PARD3B: variants seen among roughly 807,000 people sequenced by gnomAD.
PARD3B encodes the protein partitioning defective 3 homolog B.
A neutral mutation model predicts 130.2 loss-of-function variants in PARD3B; 103 were observed. That is an observed-to-expected ratio of 0.79 (90% CI 0.67 to 0.93). The LOEUF is 0.93. Among genes scored for constraint, PARD3B ranks in the 40% least tolerant of loss-of-function variants. The pLI is 0.00. For synonymous variants in PARD3B, 583 were observed against 553.2 expected (o/e 1.05, Z -0.76); for missense variants, 1,609 against 1,499.2 (o/e 1.07, Z -1.21).
chr2:205,346,553 A>G (rs1166498564), intron 18 of PARD3B, among the ~76,000 whole-genome samples: 3 of 152,206 alleles, frequency 2.0e-5, no homozygotes, highest in East Asian at 1.9e-4. Context: ...CCAGGCTTCT[A>G]TGGGATTTAA....
intron 1 of PARD3B, among the ~76,000 whole-genome samples, chr2:204,681,675 C>T (rs537642455): frequency 6.6e-6 from 1 of 152,136 alleles, no homozygotes; most frequent in Admixed American, 6.5e-5. Context: ...CCCTGCACTG[C>T]TCTGTGGCTG....
At chr2:204,900,978 CT>C (rs1313644835) in intron 2 of PARD3B, among the ~76,000 whole-genome samples, 1 of 151,738 alleles carries the variant, frequency 6.6e-6, no homozygotes, top group African/African-American at 2.4e-5. Context: ...CAATTGGAGT[CT>C]TTCTGTCTCT....
intron 10 of PARD3B, among the ~76,000 whole-genome samples, chr2:205,127,907 A>G (rs557288817): frequency 6.6e-6 from 1 of 152,184 alleles, no homozygotes; most frequent in Admixed American, 6.5e-5. Context: ...TAAAATACAG[A>G]TGGATTCTTC....
chr2:205,399,070 A>C (rs1574920178), intron 18 of PARD3B, among the ~76,000 whole-genome samples: 1 of 152,056 alleles, frequency 6.6e-6, no homozygotes, highest in Non-Finnish European at 1.5e-5. Flanking sequence ...GGAGTTCAAG[A>C]CCAGCCTGGC....
intron 2 of PARD3B, among the ~76,000 whole-genome samples, chr2:204,737,652 G>A (rs141407965): frequency 1.6e-4 from 25 of 152,216 alleles, no homozygotes; most frequent in South Asian, 8.3e-4. Context: ...CTTTGCCTAG[G>A]CCAGTGTCTA....
chr2:205,301,458 G>C lies in PARD3B; in HGVS notation c.2393-6G>C. 1 of 1,607,456 alleles carries C rather than the reference G, an allele frequency of 6.2e-7. No homozygotes were observed. The highest frequency in any genetic ancestry group is 8.5e-7 in the Non-Finnish European group (1 of 1,177,956). On this transcript the variant is annotated splice_region_variant and splice_polypyrimidine_tract_variant and intron_variant, in intron 17 of 22. Coordinates refer to ENST00000406610, the MANE Select transcript of PARD3B (RefSeq NM_001302769.2). The surrounding 1 kb of genome is among the most constrained non-coding windows in gnomAD (Gnocchi z 5.2). ...CATGGGTATTGATTATTTTTTCTCTGTACAGACGGTCTGTCTGATAAGAGC... is the reference window on the plus strand; with the variant it reads ...CATGGGTATTGATTATTTTTTCTCTCTACAGACGGTCTGTCTGATAAGAGC...
At chr2:204,657,316 C>G (rs1204747329) in intron 1 of PARD3B, among the ~76,000 whole-genome samples, 1 of 152,092 alleles carries the variant, frequency 6.6e-6, no homozygotes, top group Non-Finnish European at 1.5e-5. Context: ...TGAGCTCAAC[C>G]TAGGTAACAT....
chr2:205,401,613 T>C (rs542191372), intron 19 of PARD3B, among the ~76,000 whole-genome samples: 12 of 152,238 alleles, frequency 7.9e-5, no homozygotes, highest in Non-Finnish European at 1.6e-4. Flanking sequence ...AAGAGTATGT[T>C]GCCCATCTGT....
intron 2 of PARD3B, among the ~76,000 whole-genome samples, chr2:204,847,851 T>C (rs575018586): frequency 6.6e-6 from 1 of 152,178 alleles, no homozygotes; most frequent in Non-Finnish European, 1.5e-5. Context: ...GAAAACATCG[T>C]ATGCTGAGGT....
At chr2:204,956,428 G>A (rs1215551729) in intron 2 of PARD3B, among the ~76,000 whole-genome samples, 1 of 151,942 alleles carries the variant, frequency 6.6e-6, no homozygotes, top group Non-Finnish European at 1.5e-5. Flanking sequence ...TTCTAGTGTT[G>A]GATATACTTG....
chr2:205,082,785 T>A (rs1053386540), intron 4 of PARD3B, among the ~76,000 whole-genome samples: 1 of 152,188 alleles, frequency 6.6e-6, no homozygotes, highest in Non-Finnish European at 1.5e-5. Flanking sequence ...AGATTAAATA[T>A]CTTCAGGCCA....
intron 21 of PARD3B, among the ~76,000 whole-genome samples, chr2:205,504,861 A>C (rs1369722002): frequency 6.6e-6 from 1 of 152,192 alleles, no homozygotes; most frequent in Admixed American, 6.5e-5. Context: ...AACTAGAAAT[A>C]CCATTTGACC....
chr2:204,724,539 C>T (rs578177655), intron 2 of PARD3B, among the ~76,000 whole-genome samples: 45 of 152,116 alleles, frequency 3.0e-4, no homozygotes, highest in Non-Finnish European at 4.7e-4. Context: ...TTTGGGTGAC[C>T]TCGGTCATCA....
intron 20 of PARD3B, among the ~76,000 whole-genome samples, chr2:205,489,314 A>C (rs2049574245): frequency 1.3e-5 from 2 of 151,852 alleles, no homozygotes. Context: ...AAAATATTGC[A>C]CTGGGGGCTG....
Position 204,952,470 on chromosome 2 carries a change from A to G in PARD3B, c.223-12682A>G, listed in dbSNP as rs570404361. 6.6e-5 allele frequency among the ~76,000 whole-genome samples: 10 copies of G among 152,340 alleles called. 1 individual carries two copies. Among genetic ancestry groups the G allele is most frequent in the African/African-American group, 1.9e-4 (8 of 41,584 alleles). ...TTTACAAGAGACCTTTGAAGATTTAATAGGGGTTTTAAGTGAATGGAATAC... is the reference window on the plus strand; with the variant it reads ...TTTACAAGAGACCTTTGAAGATTTAGTAGGGGTTTTAAGTGAATGGAATAC... On this transcript the variant is annotated intron_variant, in intron 2 of 22. Coordinates refer to ENST00000406610, the MANE Select transcript of PARD3B (RefSeq NM_001302769.2).
chr2:205,363,795 G>C (rs1047624362), intron 18 of PARD3B, among the ~76,000 whole-genome samples: 1 of 149,874 alleles, frequency 6.7e-6, no homozygotes, highest in Non-Finnish European at 1.5e-5. Context: ...CTTCTAAGTA[G>C]CTGGGACTAC....
At chr2:205,594,784 G>A (rs946379384) in intron 22 of PARD3B, among the ~76,000 whole-genome samples, 6 of 152,186 alleles carry the variant, frequency 3.9e-5, no homozygotes, top group African/African-American at 1.4e-4. Flanking sequence ...CTCTGTTAGA[G>A]GATTTCCTAC....
chr2:205,028,735 T>C (rs960288253), intron 3 of PARD3B, among the ~76,000 whole-genome samples: 5 of 152,156 alleles, frequency 3.3e-5, no homozygotes, highest in Non-Finnish European at 7.4e-5. Context: ...TTAAATTGTC[T>C]CTGTTTGCAG....
intron 22 of PARD3B, among the ~76,000 whole-genome samples, chr2:205,596,804 C>G (rs895362261): frequency 2.6e-5 from 4 of 152,070 alleles, no homozygotes; most frequent in Non-Finnish European, 5.9e-5. Flanking sequence ...CCTTCCTGCC[C>G]TCCCTGCAAT....
Sources: gnomAD v4.1 joint callset for allele counts (sites outside exome capture counted in the v4.1 genomes callset) on GRCh38, gnomAD v4.1.1 for gene constraint, Gnocchi (gnomAD v3.1) non-coding constraint, MANE v1.5 for transcripts, NCBI Gene and HGNC (gene_info 2026-07-23, HGNC 2026-07-21) for gene names.